Variants in SLC5A8 observed in about 807,000 individuals in gnomAD.
SLC5A8 encodes sodium-coupled monocarboxylate transporter 1.
Under a neutral mutation model 71.9 loss-of-function variants are expected in SLC5A8, and 55 were observed. The observed-to-expected ratio is 0.77, with a 90% CI of 0.62 to 0.96. The LOEUF (loss-of-function observed/expected upper bound fraction) is 0.96, where lower values mean the gene tolerates loss of function less well. Ranked by LOEUF, SLC5A8 falls within the 40% of genes least tolerant of loss-of-function variation. The pLI is 0.00. For synonymous variants in SLC5A8, 307 were observed against 276.1 expected, an observed-to-expected ratio of 1.11 and a Z score of -1.11; for missense variants, 701 against 745.3, an observed-to-expected ratio of 0.94 and a Z score of 0.69.
At position 101,166,584 on chromosome 12, in the gene SLC5A8, C is replaced by G. The variant is rs752320523; in HGVS notation, c.1436G>C (p.Gly479Ala). Reference protein sequence around the residue: ...RTLPLHLDIQGCNSTYNETNL... With the variant: ...RTLPLHLDIQACNSTYNETNL... Reference sequence around the variant, plus strand: ...TGTCTCATTGTAGGTGCTGTTACAGCCTTGGATATCAAGGTGCAATGGCAA... The same window carrying G: ...TGTCTCATTGTAGGTGCTGTTACAGGCTTGGATATCAAGGTGCAATGGCAA... Residue 479 changes from glycine (G) to alanine (A), a missense_variant, in exon 12 of 15, where the codon GGC becomes GCC. Transcript: ENST00000536262. The G allele has an allele frequency of 6.2e-7, 1 of 1,613,858 alleles. No homozygotes were observed. Among genetic ancestry groups the G allele is most frequent in the African/African-American group, 1.3e-5 (1 of 74,916 alleles).
intron 10 of SLC5A8, among the ~76,000 whole-genome samples, chr12:101,173,595 A>C (rs567329407): frequency 3.3e-5 from 5 of 152,342 alleles, no homozygotes; most frequent in Admixed American, 1.3e-4. Context: ...AGCAGACATC[A>C]CAGGCTGGGG....
intron 6 of SLC5A8, among the ~76,000 whole-genome samples, chr12:101,189,479 C>T (rs1158674485): frequency 6.6e-6 from 1 of 152,142 alleles, no homozygotes; most frequent in East Asian, 1.9e-4. Flanking sequence ...TTCCCTCACC[C>T]TATCCACCCT....
At chr12:101,204,397 C>CTCTTTTTTT in intron 2 of SLC5A8, 103 bp downstream of exon 2, 1 of 983,950 alleles carries the variant, frequency 1.0e-6, no homozygotes, top group South Asian at 1.5e-5. Context: ...TTTTCAACAT[C>CTCTTTTTTT]TCTTTTTTGT....
intron 1 of SLC5A8, 54 bp downstream of exon 1, chr12:101,209,444 G>T: frequency 7.0e-7 from 1 of 1,423,336 alleles, no homozygotes; most frequent in Non-Finnish European, 9.5e-7. Flanking sequence ...CCAGAGGTCT[G>T]CAGAGTCCCC....
chr12:101,209,215 A>G (rs1869804853), intron 1 of SLC5A8, among the ~76,000 whole-genome samples: 1 of 152,156 alleles, frequency 6.6e-6, no homozygotes, highest in South Asian at 2.1e-4. Flanking sequence ...AGCGAGCACT[A>G]CTGTTGCAAT....
intron 3 of SLC5A8, 136 bp from the exon 4 acceptor site, chr12:101,195,298 A>G: frequency 1.2e-6 from 1 of 814,306 alleles, no homozygotes; most frequent in East Asian, 2.7e-5. Context: ...AGCTAAAACT[A>G]GCTCCAAATC....
chr12:101,185,136 T>G (rs1438690989), intron 7 of SLC5A8, among the ~76,000 whole-genome samples: 1 of 152,230 alleles, frequency 6.6e-6, no homozygotes, highest in Non-Finnish European at 1.5e-5. Context: ...CCTCCACTGT[T>G]GAAAAGAAAT....
At chr12:101,168,004 C>T in intron 11 of SLC5A8, 92 bp downstream of exon 11, 1 of 1,215,584 alleles carries the variant, frequency 8.2e-7, no homozygotes, top group Non-Finnish European at 1.2e-6. Context: ...TAGCTAATGA[C>T]AAATCTCAAA....
rs367965130 is a variant in SLC5A8, at chr12:101,208,099, TA to T, written c.351+1398del. Reference sequence around the variant, plus strand: ...TATTTCTTCTCACTATAAGGAGAAGTAAAAAAAAAAAATGACTGAGAAGTGA... The same window carrying T: ...TATTTCTTCTCACTATAAGGAGAAGTAAAAAAAAAAATGACTGAGAAGTGA... On this transcript the variant is annotated intron_variant, in intron 1 of 14. Coordinates refer to ENST00000536262, the MANE Select transcript of SLC5A8 (RefSeq NM_145913.5). 2.2e-3 allele frequency among the ~76,000 whole-genome samples: 315 copies of T among 143,130 alleles called. 1 individual carries two copies. The highest frequency in any genetic ancestry group is 5.1e-3 in the African/African-American group (199 of 39,130). The allele number at this position is 143,130 out of a possible 152,430, so 93.9% of individuals were successfully genotyped here. A position where few individuals can be genotyped will look rare whatever the true frequency, so the allele number is the denominator to read the frequency against.
intron 9 of SLC5A8, 122 bp from the exon 10 acceptor site, chr12:101,180,218 C>CA: frequency 1.0e-6 from 1 of 982,752 alleles, no homozygotes; most frequent in Admixed American, 1.8e-5. Context: ...AGAATGGCCA[C>CA]ACACATCAGA....
At chr12:101,192,902 CTT>C (rs546151360) in intron 5 of SLC5A8, among the ~76,000 whole-genome samples, 11 of 139,732 alleles carry the variant, frequency 7.9e-5, no homozygotes, top group Admixed American at 1.4e-4. Flanking sequence ...GTCTCTGTCT[CTT>C]TTTTTTTTTT....
rs373623541 is a variant in SLC5A8, at chr12:101,156,984, T to A, written c.*295A>T. The A allele has an allele frequency of 3.5e-6, 1 of 287,830 alleles. No individual in the cohort carries two copies. The highest frequency in any genetic ancestry group is 6.5e-6 in the Non-Finnish European group (1 of 154,932). 17.8% of individuals were successfully genotyped at this position (287,830 alleles called of 1,614,324 possible). On this transcript the variant is annotated 3_prime_UTR_variant, in exon 15 of 15. Transcript: ENST00000536262. ...TATACCTTTGACAATCAAATACATG[T>A]GCATATGTGTGTATTAGCCTTTCAG...
At chr12:101,179,152 A>C (rs1014730632) in intron 10 of SLC5A8, among the ~76,000 whole-genome samples, 3 of 152,172 alleles carry the variant, frequency 2.0e-5, no homozygotes, top group Admixed American at 1.3e-4. Flanking sequence ...AAAAAAAGAC[A>C]CCACTAAATG....
rs1467300365 is a variant in SLC5A8, at chr12:101,209,761, T to A, written c.88A>T (p.Ile30Phe). The change falls in exon 1 of 15, where the codon ATC (isoleucine) becomes TTC (phenylalanine). Residue 30 changes from isoleucine (I) to phenylalanine (F), a missense_variant. Physicochemically the swap from Ile to Phe is conservative, Grantham distance 21. Coordinates refer to ENST00000536262, the MANE Select transcript of SLC5A8 (RefSeq NM_145913.5). ...CCGCCCCCAGCGAAGGCGTAGTAGA[T>A]GCCGATGGCGGCCGAGATGACCAGC... is the stretch of plus-strand genomic sequence containing the variant. ...GMLVISAAIG[I>F]YYAFAGGGQQ... 6.2e-7 allele frequency: 1 copy of A among 1,611,586 alleles called. No homozygotes were observed. Among genetic ancestry groups the A allele is most frequent in the Non-Finnish European group, 8.5e-7 (1 of 1,179,092 alleles).
chr12:101,164,423 T>G (rs531406370), intron 12 of SLC5A8, among the ~76,000 whole-genome samples: 2 of 152,136 alleles, frequency 1.3e-5, no homozygotes, highest in African/African-American at 2.4e-5. Context: ...CCATCAAATA[T>G]TGTAAACTTA....
intron 12 of SLC5A8, among the ~76,000 whole-genome samples, chr12:101,164,202 A>T (rs927633515): frequency 1.3e-5 from 2 of 152,222 alleles, no homozygotes; most frequent in Non-Finnish European, 2.9e-5. Flanking sequence ...GGAGAGAAAC[A>T]TTTTCAAAAC....
chr12:101,193,657 A>G lies in SLC5A8; in HGVS notation c.660T>C (p.Asp220=), dbSNP rs376761991. 6.2e-7 allele frequency: 1 copy of G among 1,614,088 alleles called. No individual in the cohort carries two copies. The highest frequency in any genetic ancestry group is 1.7e-5 in the Admixed American group (1 of 60,010). Residue 220 remains aspartate, a synonymous_variant, in exon 5 of 15, where the codon GAT becomes GAC. Coordinates refer to ENST00000536262, the MANE Select transcript of SLC5A8 (RefSeq NM_145913.5). Reference sequence around the variant, plus strand: ...AATTTAATCTTCCACCATCATAGGCATCATTTAAAATAGTGCTGATTCCAC... The same window carrying G: ...AATTTAATCTTCCACCATCATAGGCGTCATTTAAAATAGTGCTGATTCCAC... ...MQGGISTILN[D]AYDGGRLNFW...
rs2051661328 is a variant in SLC5A8 at position 101,156,308 on chromosome 12, G to C, written c.*971C>G. On this transcript the variant is annotated 3_prime_UTR_variant, in exon 15 of 15. Transcript: ENST00000536262. ...AAGTGTAGTCATCTAACTCCATGGA[G>C]CTTAACCATTTTGAAGAATATAATA... is the stretch of plus-strand genomic sequence containing the variant. 6.6e-6 allele frequency: 1 copy of C among 152,102 alleles called. No homozygotes were observed. Among genetic ancestry groups the C allele is most frequent in the Non-Finnish European group, 1.5e-5 (1 of 68,032 alleles). The allele number at this position is 152,102 out of a possible 1,614,324, so 9.4% of individuals were successfully genotyped here.
At chr12:101,186,310 T>A (rs567322612) in intron 7 of SLC5A8, among the ~76,000 whole-genome samples, 2 of 152,192 alleles carry the variant, frequency 1.3e-5, no homozygotes, top group Admixed American at 1.3e-4. Flanking sequence ...AAGGAGGGCA[T>A]AAGTTAAGAT....
Sources: gnomAD v4.1 joint callset for allele counts (sites outside exome capture counted in the v4.1 genomes callset) on GRCh38, gnomAD v4.1.1 for gene constraint, MANE v1.5 for transcripts, NCBI Gene and HGNC (gene_info 2026-07-23, HGNC 2026-07-21) for gene names.